The following SKP1 variants were observed in gnomAD, a reference collection of about 807,000 sequenced individuals.
The protein encoded by SKP1 is S-phase kinase associated protein 1.
In SKP1, 1 loss-of-function variant was observed where a neutral mutation model predicts 21.5. The observed-to-expected ratio is 0.05, with a 90% CI of 0.02 to 0.22. The LOEUF is 0.22. SKP1 is among the 10% of genes least tolerant of loss of function. SKP1 has a pLI of 1.00. For missense variants in SKP1, 70 were observed against 192.0 expected, an observed-to-expected ratio of 0.36 and a Z score of 3.76; for synonymous variants, 59 against 59.3, an observed-to-expected ratio of 0.99 and a Z score of 0.03.
intron 3 of SKP1, 143 bp downstream of exon 3, chr5:134,167,027 G>GT: frequency 1.7e-6 from 1 of 596,492 alleles, no homozygotes; most frequent in South Asian, 2.2e-5. Flanking sequence ...CATCACTCAA[G>GT]TAAGTGTTTA....
intron 4 of SKP1, among the ~76,000 whole-genome samples, chr5:134,160,419 T>TA (rs1248172718): frequency 6.6e-6 from 1 of 152,000 alleles, no homozygotes; most frequent in Non-Finnish European, 1.5e-5. Context: ...TCAATAGTGT[T>TA]ATATCAAGTT....
In SKP1 at chr5:134,152,992, G is replaced by C. The variant is rs1322228002; in HGVS notation, c.*4741C>G. ...CCAGGAGCTACACTTTAAGGATTCA[G>C]CCATTTTGTAAGCTTTCCCTTTGCT... On this transcript the variant is annotated 3_prime_UTR_variant, in exon 6 of 6. Coordinates refer to ENST00000353411, the MANE Select transcript of SKP1 (RefSeq NM_170679.3). 6.6e-6 allele frequency: 1 copy of C among 152,222 alleles called. No individual in the cohort carries two copies. The highest frequency in any genetic ancestry group is 2.4e-5 in the African/African-American group (1 of 41,458). The allele number at this position is 152,222 out of a possible 1,614,324, so 9.4% of individuals were successfully genotyped here. A position where few individuals can be genotyped will look rare whatever the true frequency, so the allele number is the denominator to read the frequency against.
At chr5:134,164,108 G>A (rs1761280319) in intron 3 of SKP1, among the ~76,000 whole-genome samples, 2 of 151,916 alleles carry the variant, frequency 1.3e-5, no homozygotes, top group African/African-American at 2.4e-5. Flanking sequence ...ATCACCTGAG[G>A]TCCGGAGTTC....
chr5:134,161,516 A>T (rs941059156), intron 3 of SKP1: 2 of 155,752 alleles, frequency 1.3e-5, no homozygotes, highest in African/African-American at 4.8e-5. Context: ...ATGAAATCTG[A>T]ATAGCCAAAC....
chr5:134,157,997 T>C, intron 5 of SKP1: 1 of 1,505,418 alleles, frequency 6.6e-7, no homozygotes, highest in Non-Finnish European at 8.9e-7. Context: ...ATGGGCAATT[T>C]ACTAAAGTTG....
intron 3 of SKP1, among the ~76,000 whole-genome samples, chr5:134,163,125 G>C (rs139535455): frequency 1.4e-5 from 2 of 144,052 alleles, no homozygotes; most frequent in Admixed American, 7.3e-5. Context: ...TGAGGCAAGA[G>C]AATCACTTGA....
At chr5:134,158,997 ATTGT>A (rs1761169489) in intron 4 of SKP1, among the ~76,000 whole-genome samples, 1 of 151,990 alleles carries the variant, frequency 6.6e-6, no homozygotes, top group Non-Finnish European at 1.5e-5. Context: ...CATTGACTTT[ATTGT>A]TTACCTGTTT....
At position 134,157,599 on chromosome 5, in the gene SKP1, A is replaced by C. The variant is rs1367436016; in HGVS notation, c.*134T>G. The C allele has an allele frequency of 5.0e-6, 4 of 796,994 alleles. No individual in the cohort carries two copies. The highest frequency in any genetic ancestry group is 8.8e-6 in the Non-Finnish European group (4 of 454,294). The allele number at this position is 796,994 out of a possible 1,614,324, so 49.4% of individuals were successfully genotyped here. ...TGCTCAAACTACACATGCAATGAGGACAATATTCTGCTAATACAATTGACT... is the reference window on the plus strand; with the variant it reads ...TGCTCAAACTACACATGCAATGAGGCCAATATTCTGCTAATACAATTGACT... On this transcript the variant is annotated 3_prime_UTR_variant, in exon 6 of 6. Coordinates refer to ENST00000353411, the MANE Select transcript of SKP1 (RefSeq NM_170679.3).
rs1437521378 is a variant in SKP1 at position 134,154,142 on chromosome 5, C to T, written c.*3591G>A. 6.6e-6 allele frequency: 1 copy of T among 152,076 alleles called. No individual in the cohort carries two copies. Among genetic ancestry groups the T allele is most frequent in the African/African-American group, 2.4e-5 (1 of 41,396 alleles). 9.4% of individuals were successfully genotyped at this position (152,076 alleles called of 1,614,324 possible). On this transcript the variant is annotated 3_prime_UTR_variant, in exon 6 of 6. Transcript: ENST00000353411. Reference sequence around the variant, plus strand: ...CATGGCACTTCAAAAGAGTAACTTGCTTCTACAACTTAAGAATTATTAGGG... The same window carrying T: ...CATGGCACTTCAAAAGAGTAACTTGTTTCTACAACTTAAGAATTATTAGGG...
At chr5:134,175,777 T>C (rs919645703) in intron 1 of SKP1, among the ~76,000 whole-genome samples, 1 of 152,228 alleles carries the variant, frequency 6.6e-6, no homozygotes, top group Non-Finnish European at 1.5e-5. Context: ...AGTGTTACAG[T>C]AGAATAAAGT....
At chr5:134,160,835 T>C (rs765005155) in intron 4 of SKP1, 152 bp downstream of exon 4, 1 of 588,640 alleles carries the variant, frequency 1.7e-6, no homozygotes, top group Non-Finnish European at 3.0e-6. Flanking sequence ...CCATTTACAT[T>C]TAGTGTGTTA....
rs1368797625 is a variant in SKP1 at position 134,156,735 on chromosome 5, A to T, written c.*998T>A. 1 of 152,372 alleles carries T rather than the reference A, an allele frequency of 6.6e-6. No individual in the cohort carries two copies. The highest frequency in any genetic ancestry group is 1.9e-4 in the East Asian group (1 of 5,198). The allele number at this position is 152,372 out of a possible 1,614,324, so 9.4% of individuals were successfully genotyped here. A position where few individuals can be genotyped will look rare whatever the true frequency, so the allele number is the denominator to read the frequency against. On this transcript the variant is annotated 3_prime_UTR_variant, in exon 6 of 6. Transcript: ENST00000353411. ...GGCATATAAATGACAATTAGAAGGG[A>T]CAGAAGTTATGGTTATGTCAGCAGC...
At chr5:134,171,620 C>G (rs992638325) in intron 2 of SKP1, among the ~76,000 whole-genome samples, 2 of 152,214 alleles carry the variant, frequency 1.3e-5, no homozygotes, top group Admixed American at 6.5e-5. Flanking sequence ...AACCCATTTT[C>G]AGCTCTACCA....
intron 5 of SKP1, chr5:134,158,069 A>T (rs1056634887): frequency 6.9e-7 from 1 of 1,440,286 alleles, no homozygotes; most frequent in African/African-American, 1.4e-5. Flanking sequence ...CAACAAAATC[A>T]TTCTGATCTA....
At chr5:134,164,322 GAAA>G (rs55637997) in intron 3 of SKP1, among the ~76,000 whole-genome samples, 90 of 122,064 alleles carry the variant, frequency 7.4e-4, no homozygotes, top group African/African-American at 2.6e-3. Context: ...TCCATCTCAA[GAAA>G]AAAAAAAAAA....
intron 2 of SKP1, among the ~76,000 whole-genome samples, chr5:134,171,990 G>A (rs1208818640): frequency 2.0e-5 from 3 of 152,224 alleles, no homozygotes; most frequent in Non-Finnish European, 4.4e-5. Context: ...GTGGCAGTGA[G>A]CTGAGATTGT....
chr5:134,173,761 G>T (rs1031379997), intron 2 of SKP1, 165 bp downstream of exon 2: 1 of 695,616 alleles, frequency 1.4e-6, no homozygotes, highest in African/African-American at 1.8e-5. Context: ...ATGCAGAAAG[G>T]ATGACCTGTA....
rs1761210341 is a variant in SKP1 at position 134,160,993 on chromosome 5, G to T, written c.309C>A (p.Leu103=). ...TTACACATTAAAAACTTACCAGAAT[G>T]AGTTCAAAAAGTGTTCCTTGGTCAA... The part of the protein sequence containing the change: ...LKVDQGTLFE[L]ILAANYLDIK... Residue 103 remains leucine, a synonymous_variant, in exon 4 of 6, where the codon CTC becomes CTA. Transcript: ENST00000353411. The T allele has an allele frequency of 6.2e-7, 1 of 1,610,078 alleles. No individual in the cohort carries two copies. Among genetic ancestry groups the T allele is most frequent in the South Asian group, 1.1e-5 (1 of 90,842 alleles).
intron 3 of SKP1, among the ~76,000 whole-genome samples, chr5:134,163,805 A>C (rs1353852823): frequency 6.6e-6 from 1 of 151,922 alleles, no homozygotes; most frequent in East Asian, 1.9e-4. Flanking sequence ...AACAAACCAA[A>C]CAAACAAAAA....
Sources: allele counts gnomAD v4.1 joint callset (sites outside exome capture counted in the v4.1 genomes callset), GRCh38; gene constraint gnomAD v4.1.1; transcripts MANE v1.5; gene names NCBI Gene and HGNC (gene_info 2026-07-23, HGNC 2026-07-21).